Variants in RTTN observed in about 807,000 individuals in gnomAD.
RTTN encodes the protein rotatin.
In RTTN, 182 loss-of-function variants were observed where a neutral mutation model predicts 269.2. The ratio of observed to expected loss-of-function variants is 0.68; its 90% CI spans 0.60 to 0.76. The LOEUF (loss-of-function observed/expected upper bound fraction) is 0.76. Ranked by LOEUF, RTTN falls within the 30% of genes least tolerant of loss-of-function variation. RTTN has a pLI of 0.00. For synonymous variants in RTTN, 1,006 were observed against 963.5 expected (o/e 1.04, Z -0.82); for missense variants, 2,545 against 2,608.6 (o/e 0.98, Z 0.53).
chr18:70,015,915 A>T (rs1322410714), intron 46 of RTTN, among the ~76,000 whole-genome samples: 1 of 152,198 alleles, frequency 6.6e-6, no homozygotes. Context: ...AATGGTCACA[A>T]ACACTTCACA....
At chr18:70,123,921 A>T (rs1356006557) in intron 25 of RTTN, among the ~76,000 whole-genome samples, 1 of 152,090 alleles carries the variant, frequency 6.6e-6, no homozygotes, top group Non-Finnish European at 1.5e-5. Flanking sequence ...GAAAGGCAGT[A>T]GCCCCTTTCT....
At chr18:70,080,159 A>C in intron 32 of RTTN, among the ~76,000 whole-genome samples, 1 of 152,292 alleles carries the variant, frequency 6.6e-6, no homozygotes, top group Middle Eastern at 3.4e-3. Context: ...TCAAATATCA[A>C]AATAATATAT....
intron 27 of RTTN, among the ~76,000 whole-genome samples, chr18:70,114,241 A>C (rs1338505326): frequency 6.6e-6 from 1 of 152,124 alleles, no homozygotes; most frequent in Non-Finnish European, 1.5e-5. Context: ...GCATGTGTGT[A>C]GTGAAAGAGA....
intron 30 of RTTN, among the ~76,000 whole-genome samples, chr18:70,089,701 C>T (rs1028986324): frequency 1.3e-5 from 2 of 152,258 alleles, no homozygotes; most frequent in Admixed American, 6.5e-5. Context: ...TGAGGAAAGG[C>T]AATCCTTGTT....
At chr18:70,201,475 G>A (rs575265704) in intron 4 of RTTN, among the ~76,000 whole-genome samples, 26 of 150,888 alleles carry the variant, frequency 1.7e-4, no homozygotes, top group African/African-American at 4.6e-4. Context: ...GGGCGTAGTG[G>A]CGGGCGCCTG....
intron 14 of RTTN, among the ~76,000 whole-genome samples, chr18:70,157,558 G>T (rs965153289): frequency 6.6e-6 from 1 of 152,188 alleles, no homozygotes; most frequent in African/African-American, 2.4e-5. Context: ...CTAAAAGCCA[G>T]AATGTCTTCT....
intron 32 of RTTN, among the ~76,000 whole-genome samples, chr18:70,083,794 C>T (rs575188481): frequency 6.6e-6 from 1 of 152,076 alleles, no homozygotes; most frequent in East Asian, 1.9e-4. Context: ...AGAAGGTAAG[C>T]TGGGTGTGGC....
chr18:70,021,986 T>G (rs2056718479), intron 44 of RTTN, among the ~76,000 whole-genome samples: 1 of 152,104 alleles, frequency 6.6e-6, no homozygotes, highest in South Asian at 2.1e-4. Context: ...TACAAAAACT[T>G]GCTAGTCAAA....
At chr18:70,031,029 A>T (rs781413845) in intron 40 of RTTN, 48 bp from the exon 41 acceptor site, 1 of 1,314,782 alleles carries the variant, frequency 7.6e-7, no homozygotes, top group Admixed American at 1.9e-5. Context: ...TTTAATCTGG[A>T]GCAAAACTGT....
intron 9 of RTTN, among the ~76,000 whole-genome samples, chr18:70,189,887 A>T (rs993730244): frequency 1.3e-5 from 2 of 152,228 alleles, no homozygotes; most frequent in Non-Finnish European, 2.9e-5. Flanking sequence ...GTACAATTAC[A>T]ATTAAATACC....
chr18:70,150,963 C>T (rs1238513527), intron 14 of RTTN, among the ~76,000 whole-genome samples: 1 of 151,638 alleles, frequency 6.6e-6, no homozygotes, highest in Non-Finnish European at 1.5e-5. Context: ...ATTAAGTAAA[C>T]AAACGGCTGA....
chr18:70,120,788 C>T (rs1166075024), intron 26 of RTTN, among the ~76,000 whole-genome samples: 3 of 152,108 alleles, frequency 2.0e-5, no homozygotes, highest in African/African-American at 7.2e-5. Context: ...CGGTGGCTCA[C>T]GCCTGTAATC....
intron 6 of RTTN, 128 bp downstream of exon 6, chr18:70,197,496 G>A: frequency 1.5e-6 from 1 of 679,352 alleles, no homozygotes; most frequent in Non-Finnish European, 2.7e-6. Context: ...GCTTTAAATA[G>A]CCAAATACTT....
chr18:70,030,225 T>C, intron 41 of RTTN, 116 bp from the exon 42 acceptor site: 1 of 653,158 alleles, frequency 1.5e-6, no homozygotes, highest in East Asian at 2.8e-5. Context: ...ACCCACTTCA[T>C]TTTAGAATTT....
At chr18:70,187,205 T>C (rs902710346) in intron 10 of RTTN, among the ~76,000 whole-genome samples, 1 of 152,004 alleles carries the variant, frequency 6.6e-6, no homozygotes, top group African/African-American at 2.4e-5. Context: ...CGAGAAAATC[T>C]CACGTATAGA....
intron 35 of RTTN, among the ~76,000 whole-genome samples, chr18:70,063,949 T>C (rs1315610240): frequency 6.9e-6 from 1 of 144,254 alleles, no homozygotes; most frequent in East Asian, 2.1e-4. Flanking sequence ...TCTGTGGGTA[T>C]TCTTTCTTTT....
Position 70,005,197 on chromosome 18 carries a change from C to T in RTTN, c.6595+1G>A, listed in dbSNP as rs779249862. On this transcript the variant is annotated splice_donor_variant, in intron 48 of 48. Coordinates refer to ENST00000640769, the MANE Select transcript of RTTN (RefSeq NM_173630.4). LOFTEE classifies it high-confidence loss of function. ...ATAATCTCTTTCTTATTGCAACTTA[C>T]TTTTCTTTGCTAAGGAGTATGCTTC... is the stretch of plus-strand genomic sequence containing the variant. The T allele has an allele frequency of 6.2e-7, 1 of 1,602,306 alleles. No individual in the cohort carries two copies. Among genetic ancestry groups the T allele is most frequent in the South Asian group, 1.1e-5 (1 of 88,782 alleles).
In RTTN at chr18:70,134,536, A is replaced by G; in HGVS notation, c.2891T>C (p.Val964Ala). The change falls in exon 23 of 49, where the codon GTT becomes GCT. Residue 964 changes from valine (V) to alanine (A), a missense_variant. Coordinates refer to ENST00000640769, the MANE Select transcript of RTTN (RefSeq NM_173630.4). ...DEVSRMDMWS[V>A]NPSNKPSLPS... The stretch of plus-strand genomic sequence containing the variant: ...CAAAGAAGGTTTATTGGAAGGATTA[A>G]CAGACCTATTTCATAAAAGAAAAAC... 6.2e-7 allele frequency: 1 copy of G among 1,605,630 alleles called. No individual in the cohort carries two copies. The highest frequency in any genetic ancestry group is 8.5e-7 in the Non-Finnish European group (1 of 1,176,492).
intron 19 of RTTN, among the ~76,000 whole-genome samples, chr18:70,141,592 G>A (rs1447546094): frequency 1.3e-5 from 2 of 152,064 alleles, no homozygotes; most frequent in African/African-American, 2.4e-5. Flanking sequence ...TTGGACACAG[G>A]GCGGGGAACA....
Sources: allele counts gnomAD v4.1 joint callset (sites outside exome capture counted in the v4.1 genomes callset), GRCh38; gene constraint gnomAD v4.1.1; transcripts MANE v1.5; gene names NCBI Gene and HGNC (gene_info 2026-07-23, HGNC 2026-07-21).